DZIP1: variants seen among roughly 807,000 people sequenced by gnomAD.
The protein encoded by DZIP1 is cilium assembly protein DZIP1.
Under a neutral mutation model 107.6 loss-of-function variants are expected in DZIP1, and 97 were observed. The observed-to-expected ratio is 0.90, with a 90% CI of 0.77 to 1.07. DZIP1 has a LOEUF of 1.07. DZIP1 is among the 50% of genes least tolerant of loss of function. DZIP1 has a pLI of 0.00. For synonymous variants in DZIP1, 390 were observed against 386.4 expected (o/e 1.01, Z -0.11); for missense variants, 1,035 against 1,063.6 (o/e 0.97, Z 0.37).
intron 16 of DZIP1, among the ~76,000 whole-genome samples, chr13:95,592,063 A>T (rs560651244): frequency 6.6e-6 from 1 of 152,356 alleles, no homozygotes; most frequent in South Asian, 2.1e-4. Flanking sequence ...GGGATTTCTT[A>T]TATGACAAAA....
rs746913187 is a variant in DZIP1 at position 95,612,185 on chromosome 13, AAAGTT to A, written c.1174-13_1174-9del. ...CTCTATATGTGACAGGAGCTGAAAA[AAAGTT>A]AAGAAAGGCATCCATCTGTAAGCTG... On this transcript the variant is annotated splice_polypyrimidine_tract_variant and intron_variant, in intron 10 of 22. Coordinates refer to ENST00000376829, the MANE Select transcript of DZIP1 (RefSeq NM_198968.4). 1 of 1,606,346 alleles carries A rather than the reference AAAGTT, an allele frequency of 6.2e-7. No individual in the cohort carries two copies. Among genetic ancestry groups the A allele is most frequent in the Admixed American group, 1.7e-5 (1 of 59,366 alleles).
At chr13:95,605,797 C>G (rs2044754157) in intron 14 of DZIP1, among the ~76,000 whole-genome samples, 1 of 152,174 alleles carries the variant, frequency 6.6e-6, no homozygotes, top group African/African-American at 2.4e-5. Flanking sequence ...CTATATACAC[C>G]TTTTATACTT....
At chr13:95,584,287 A>AT (rs1226213061) in intron 22 of DZIP1, among the ~76,000 whole-genome samples, 12 of 75,418 alleles carry the variant, frequency 1.6e-4, no homozygotes, top group African/African-American at 5.1e-4. Context: ...AAAAAAAAAA[A>AT]AAATAAAAGA....
rs201109671 is a variant in DZIP1, at chr13:95,633,260, C to A, written c.659G>T (p.Arg220Leu). ...AAAATGAGAATTTTCTTCAGTGTGG[C>A]GGCGTTGAATGTGACTTTGTAGAAA... ...QAFLQSHIQR[R>L]HTEENSHFEY... The change falls in exon 6 of 23, where the codon CGC (arginine) becomes CTC (leucine). Residue 220 changes from arginine (R) to leucine (L), a missense_variant. Coordinates refer to ENST00000376829, the MANE Select transcript of DZIP1 (RefSeq NM_198968.4). 1 of 1,614,104 alleles carries A rather than the reference C, an allele frequency of 6.2e-7. No homozygotes were observed. The highest frequency in any genetic ancestry group is 2.2e-5 in the East Asian group (1 of 44,886).
chr13:95,589,530 A>T (rs1398886120), intron 18 of DZIP1, among the ~76,000 whole-genome samples: 1 of 152,182 alleles, frequency 6.6e-6, no homozygotes, highest in Non-Finnish European at 1.5e-5. Context: ...GGGGGCCCCC[A>T]TGATGGGATT....
intron 13 of DZIP1, among the ~76,000 whole-genome samples, chr13:95,606,413 A>G (rs1053145903): frequency 1.3e-5 from 2 of 152,166 alleles, no homozygotes; most frequent in African/African-American, 4.8e-5. Context: ...CTATCCCCAG[A>G]CAACAATTAA....
At chr13:95,585,012 G>A (rs1000307655) in intron 21 of DZIP1, 102 bp from the exon 22 acceptor site, 1 of 861,078 alleles carries the variant, frequency 1.2e-6, no homozygotes, top group African/African-American at 1.7e-5. Flanking sequence ...GAACCATAAG[G>A]AAAGAAGTGG....
At position 95,641,979 on chromosome 13, in the gene DZIP1, C is replaced by G; in HGVS notation, c.36+15G>C. On this transcript the variant is annotated intron_variant, in intron 4 of 22. Coordinates refer to ENST00000376829, the MANE Select transcript of DZIP1 (RefSeq NM_198968.4). This position sits in a 1 kb window ranked among gnomAD's most constrained non-coding sequence, Gnocchi z 4.3. ...GGCATCCCCGTCGGGGGCGCCCCGG[C>G]CTCCCGCCTCTTACCATGCTTGAAA... 3 of 1,576,896 alleles carry G rather than the reference C, an allele frequency of 1.9e-6. No individual in the cohort carries two copies. The highest frequency in any genetic ancestry group is 2.3e-5 in the South Asian group (2 of 88,294).
At chr13:95,620,262 G>A (rs373198750) in intron 9 of DZIP1, among the ~76,000 whole-genome samples, 25 of 152,074 alleles carry the variant, frequency 1.6e-4, no homozygotes, top group African/African-American at 4.8e-4. Flanking sequence ...ATCTTAAGAC[G>A]TGCTTGGTTC....
chr13:95,618,288 A>G (rs1179832043), intron 10 of DZIP1, among the ~76,000 whole-genome samples: 1 of 152,236 alleles, frequency 6.6e-6, no homozygotes, highest in Non-Finnish European at 1.5e-5. Flanking sequence ...AAAGTGTAGT[A>G]CATAGCAGAT....
intron 5 of DZIP1, among the ~76,000 whole-genome samples, chr13:95,636,565 A>G (rs1358933668): frequency 6.6e-6 from 1 of 151,504 alleles, no homozygotes; most frequent in Non-Finnish European, 1.5e-5. Context: ...AAAAAATAGA[A>G]AAAAAGAAAA....
At chr13:95,596,452 T>C (rs2044460191) in intron 15 of DZIP1, among the ~76,000 whole-genome samples, 1 of 152,218 alleles carries the variant, frequency 6.6e-6, no homozygotes, top group South Asian at 2.1e-4. Context: ...AGGGAATTTA[T>C]CTACCACCTA....
chr13:95,582,879 C>G (rs2044048487), intron 22 of DZIP1, among the ~76,000 whole-genome samples: 1 of 152,148 alleles, frequency 6.6e-6, no homozygotes, highest in Non-Finnish European at 1.5e-5. Context: ...AGGAAAGAGA[C>G]AGGAGATGTC....
Position 95,610,118 on chromosome 13 carries a change from GAGAC to G in DZIP1, c.1364-609_1364-606del, listed in dbSNP as rs1408415728. 3.7e-3 allele frequency among the ~76,000 whole-genome samples: 535 copies of G among 145,586 alleles called. 3 individuals are homozygous for G. Among genetic ancestry groups the G allele is most frequent in the Admixed American group, 7.2e-3 (106 of 14,650 alleles). On this transcript the variant is annotated intron_variant, in intron 12 of 22. Transcript: ENST00000376829. ...TGTGTGTGTGTGTGTGTGTGAGAGAGAGACAGAGAGAGAGAGACAGAGACAGACA... is the reference window on the plus strand; with the variant it reads ...TGTGTGTGTGTGTGTGTGTGAGAGAGAGAGAGAGAGAGACAGAGACAGACA...
At position 95,593,972 on chromosome 13, in the gene DZIP1, T is replaced by TC; in HGVS notation, c.1651dup (p.Glu551GlyfsTer9). ...ATTAATCCCCAAGGTTTCCAGTTTCTCCATCAAGTTCTGCTCCACCATTGT... is the reference window on the plus strand; with the variant it reads ...ATTAATCCCCAAGGTTTCCAGTTTCTCCCATCAAGTTCTGCTCCACCATTGT... On this transcript the variant is annotated frameshift_variant, in exon 16 of 23. Transcript: ENST00000376829. LOFTEE classifies it high-confidence loss of function. 1 of 1,609,676 alleles carries TC rather than the reference T, an allele frequency of 6.2e-7. No homozygotes were observed.
At chr13:95,590,041 C>T (rs1488389556) in intron 17 of DZIP1, 109 bp from the exon 18 acceptor site, 1 of 1,382,948 alleles carries the variant, frequency 7.2e-7, no homozygotes, top group East Asian at 2.4e-5. Context: ...TGAACAATCC[C>T]ATCTCTAGGG....
chr13:95,610,003 CT>C (rs998872000), intron 12 of DZIP1, among the ~76,000 whole-genome samples: 6 of 151,012 alleles, frequency 4.0e-5, no homozygotes, highest in Non-Finnish European at 5.9e-5. Context: ...CTTCTGGTCT[CT>C]TTTTTTATTT....
intron 12 of DZIP1, 77 bp downstream of exon 12, chr13:95,611,368 G>A (rs2044998099): frequency 8.2e-6 from 9 of 1,103,926 alleles, no homozygotes; most frequent in Non-Finnish European, 1.2e-5. Context: ...TAAACAAGTG[G>A]GGCCCACATT....
In DZIP1 at chr13:95,644,648, C is replaced by A. The variant is rs1197207298; in HGVS notation, c.-797G>T. 2 of 150,354 alleles carry A rather than the reference C, an allele frequency of 1.3e-5. No individual in the cohort carries two copies. The highest frequency in any genetic ancestry group is 2.4e-5 in the African/African-American group (1 of 40,982). 9.3% of individuals were successfully genotyped at this position (150,354 alleles called of 1,614,324 possible). ...CGACTCAGGATACCCCACCCCCCTCCCGCCCCCTCCCCTCCGCGATCTCCC... is the reference window on the plus strand; with the variant it reads ...CGACTCAGGATACCCCACCCCCCTCACGCCCCCTCCCCTCCGCGATCTCCC... On this transcript the variant is annotated 5_prime_UTR_variant, in exon 1 of 23. Transcript: ENST00000376829.
Sources: allele counts gnomAD v4.1 joint callset (sites outside exome capture counted in the v4.1 genomes callset), GRCh38; gene constraint gnomAD v4.1.1; non-coding constraint Gnocchi (gnomAD v3.1); transcripts MANE v1.5; gene names NCBI Gene and HGNC (gene_info 2026-07-23, HGNC 2026-07-21).